Variants in BCAP31 observed in about 807,000 individuals in gnomAD.
BCAP31 encodes B-cell receptor-associated protein 31.
For synonymous variants in BCAP31, 75 were observed against 80.9 expected (o/e 0.93, Z 0.39); for missense variants, 124 against 193.0 (o/e 0.64, Z 2.12).
intron 2 of BCAP31, 78 bp downstream of exon 2, chrX:153,723,075 C>CA: frequency 8.8e-7 from 1 of 1,130,350 alleles, no homozygotes; most frequent in East Asian, 3.1e-5. Context: ...CAGGGTCCAC[C>CA]AGCTGCACAC....
chrX:153,715,068 C>T (rs2091617580), intron 4 of BCAP31, among the ~76,000 whole-genome samples: 1 of 111,928 alleles, frequency 8.9e-6, no homozygotes, highest in Non-Finnish European at 1.9e-5. Context: ...TGTAACATGT[C>T]CTCATTACGA....
intron 3 of BCAP31, 141 bp downstream of exon 3, chrX:153,720,731 C>T (rs2091659143): frequency 3.9e-6 from 2 of 519,353 alleles, no homozygotes; most frequent in East Asian, 3.6e-5. Context: ...CTCTTCCCTC[C>T]CTCAAGAGAA....
intron 2 of BCAP31, 189 bp from the exon 3 acceptor site, chrX:153,721,161 T>C: frequency 4.8e-6 from 2 of 418,617 alleles, no homozygotes; most frequent in Non-Finnish European, 8.3e-6. Flanking sequence ...AAAGGCCAGG[T>C]GCAATGGCTC....
At chrX:153,723,438 T>A (rs1376847831) in intron 1 of BCAP31, 150 bp from the exon 2 acceptor site, 1 of 1,134,570 alleles carries the variant, frequency 8.8e-7, no homozygotes, top group African/African-American at 1.8e-5. Context: ...GAAGCAGGGC[T>A]CCACTCGGCA....
intron 1 of BCAP31, chrX:153,723,622 G>A: frequency 8.6e-7 from 1 of 1,167,602 alleles, no homozygotes; most frequent in South Asian, 1.9e-5. Flanking sequence ...TCTTCGGGAA[G>A]AGCAGTGCCA....
chrX:153,715,895 C>T (rs782661504), intron 3 of BCAP31, among the ~76,000 whole-genome samples: 2 of 110,088 alleles, frequency 1.8e-5, no homozygotes, highest in South Asian at 3.9e-4. Context: ...CAGTGGCTCA[C>T]GCCTATAATC....
chrX:153,716,713 T>C (rs1405811361), intron 3 of BCAP31, among the ~76,000 whole-genome samples: 2 of 110,925 alleles, frequency 1.8e-5, no homozygotes, highest in African/African-American at 6.6e-5. Context: ...TGAGTTACGA[T>C]CACACCACTG....
rs199931089 is a variant in BCAP31, at chrX:153,702,926, G to A, written c.601+9C>T. 1.5e-3 allele frequency: 1,787 copies of A among 1,208,065 alleles called. 1 individual carries two copies. Among genetic ancestry groups the A allele is most frequent in the Non-Finnish European group, 1.9e-3 (1,707 of 894,971 alleles). ...TCCCTGCGGGGAAGGACACGAGGTC[G>A]AGCCTCACTTTGCTTAGTGCTGGCC... is the stretch of plus-strand genomic sequence containing the variant. On this transcript the variant is annotated intron_variant, in intron 6 of 7. Transcript: ENST00000345046.
intron 1 of BCAP31, 98 bp downstream of exon 1, chrX:153,724,228 TCCCCGGCC>T (rs1557051823): frequency 2.9e-5 from 6 of 208,952 alleles, no homozygotes; most frequent in Non-Finnish European, 5.3e-5. Flanking sequence ...GCCCCGAGAT[TCCCCGGCC>T]CCCGGGCCTC....
intron 4 of BCAP31, among the ~76,000 whole-genome samples, chrX:153,710,961 AAGCC>A (rs1237367506): frequency 9.0e-6 from 1 of 111,292 alleles, no homozygotes; most frequent in East Asian, 2.8e-4. Context: ...AATGCCTCTG[AAGCC>A]AGCAACCCAA....
intron 4 of BCAP31, chrX:153,704,886 C>A (rs2091544150): frequency 8.9e-6 from 1 of 112,092 alleles, no homozygotes; most frequent in Admixed American, 9.4e-5. Context: ...GGCTGCCTCT[C>A]TGAAGCAGCC....
At chrX:153,706,021 G>A (rs1557048262) in intron 4 of BCAP31, among the ~76,000 whole-genome samples, 1 of 111,916 alleles carries the variant, frequency 8.9e-6, no homozygotes, top group African/African-American at 3.2e-5. Flanking sequence ...TCCAAGATAG[G>A]CCAGGGCATA....
intron 4 of BCAP31, among the ~76,000 whole-genome samples, chrX:153,706,044 C>T (rs2091552350): frequency 8.9e-6 from 1 of 111,888 alleles, no homozygotes; most frequent in African/African-American, 3.3e-5. Flanking sequence ...CAAAGTCCAG[C>T]GCAAGATCCA....
chrX:153,717,783 G>A (rs1557050360), intron 3 of BCAP31, among the ~76,000 whole-genome samples: 1 of 112,071 alleles, frequency 8.9e-6, no homozygotes. Context: ...ATAAAAATCT[G>A]CCCATCCCTC....
chrX:153,709,049 CCTT>C (rs1477255656), intron 4 of BCAP31, among the ~76,000 whole-genome samples: 2 of 111,916 alleles, frequency 1.8e-5, no homozygotes, highest in East Asian at 5.6e-4. Flanking sequence ...GCCTGTCCTC[CCTT>C]CTTCTTGAGA....
intron 3 of BCAP31, 57 bp from the exon 4 acceptor site, chrX:153,715,746 G>A (rs927719315): frequency 4.3e-6 from 5 of 1,167,664 alleles, no homozygotes; most frequent in East Asian, 6.0e-5. Context: ...GCAAGATAAG[G>A]CCATACCAGG....
At position 153,723,617 on chromosome X, in the gene BCAP31, G is replaced by C. The variant is rs1453881484; in HGVS notation, c.-44-329C>G. On this transcript the variant is annotated intron_variant, in intron 1 of 7. Coordinates refer to ENST00000345046, the MANE Select transcript of BCAP31 (RefSeq NM_001256447.2). ...CCCGTTTAACTGAAAGGCGTTCTTC[G>C]GGAAGAGCAGTGCCAGGGCACCAAG... 7 of 1,166,797 alleles carry C rather than the reference G, an allele frequency of 6.0e-6. No homozygotes were observed. In the South Asian group the frequency reaches 9.5e-5, roughly 16 times the overall value.
intron 3 of BCAP31, among the ~76,000 whole-genome samples, chrX:153,720,391 T>C (rs1480327282): frequency 3.0e-5 from 3 of 100,664 alleles, no homozygotes; most frequent in Non-Finnish European, 4.0e-5. Context: ...TGAGATGGAG[T>C]CTCCCTCTTG....
Position 153,720,856 on chromosome X carries a change from G to A in BCAP31, c.193+16C>T, listed in dbSNP as rs1467208729. 1 of 1,205,031 alleles carries A rather than the reference G, an allele frequency of 8.3e-7. No individual in the cohort carries two copies. Among genetic ancestry groups the A allele is most frequent in the Non-Finnish European group, 1.1e-6 (1 of 890,822 alleles). ...GGTCTAGGTCAGGTAGCTGCCCTCA[G>A]CCATAGCTCACTCACCGATGACCAA... On this transcript the variant is annotated intron_variant, in intron 3 of 7. Transcript: ENST00000345046.
Sources: gnomAD v4.1 joint callset for allele counts (sites outside exome capture counted in the v4.1 genomes callset) on GRCh38, gnomAD v4.1.1 for gene constraint, MANE v1.5 for transcripts, NCBI Gene and HGNC (gene_info 2026-07-23, HGNC 2026-07-21) for gene names.